The following WDR73 variants were observed in gnomAD, a reference collection of about 807,000 sequenced individuals.
The protein encoded by WDR73 is integrator complex assembly factor WDR73.
Under a neutral mutation model 38.2 loss-of-function variants are expected in WDR73, and 30 were observed. That is an observed-to-expected ratio of 0.79 (90% CI 0.59 to 1.06). The LOEUF is 1.06. WDR73 is among the 50% of genes least tolerant of loss of function. The pLI is 0.00. For synonymous variants in WDR73, 197 were observed against 176.0 expected, an observed-to-expected ratio of 1.12 and a Z score of -0.94; for missense variants, 487 against 467.0, an observed-to-expected ratio of 1.04 and a Z score of -0.40.
rs113818583 is a variant in WDR73, at chr15:84,648,736, C to T, written c.199-111G>A. ...CTGGCAGGAGGCCATGGAAGCCACTCAGCTGGTGAAAGGGCGTTGGTGTCC... is the reference window on the plus strand; with the variant it reads ...CTGGCAGGAGGCCATGGAAGCCACTTAGCTGGTGAAAGGGCGTTGGTGTCC... On this transcript the variant is annotated intron_variant, in intron 3 of 7. Coordinates refer to ENST00000434634, the MANE Select transcript of WDR73 (RefSeq NM_032856.5). 951 of 824,482 alleles carry T rather than the reference C, an allele frequency of 1.2e-3. 7 individuals are homozygous for T. In the African/African-American group the frequency reaches 0.014, roughly 12 times the overall value. 51.1% of individuals were successfully genotyped at this position (824,482 alleles called of 1,614,324 possible). A position where few individuals can be genotyped will look rare whatever the true frequency, so the allele number is the denominator to read the frequency against.
chr15:84,653,273 T>C, intron 2 of WDR73: 1 of 235,086 alleles, frequency 4.3e-6, no homozygotes, highest in Admixed American at 5.2e-5. Context: ...GTTCAAGTGA[T>C]TCTCCTGCCT....
At chr15:84,646,094 G>A (rs1398990205) in intron 6 of WDR73, 90 bp downstream of exon 6, 2 of 1,588,430 alleles carry the variant, frequency 1.3e-6, no homozygotes, top group Non-Finnish European at 1.7e-6. Context: ...ACCTGGCACA[G>A]AGAGTTGAAC....
In WDR73 at chr15:84,645,706, G is replaced by T. The variant is rs750401620; in HGVS notation, c.648C>A (p.Ser216Arg). 6.2e-7 allele frequency: 1 copy of T among 1,609,738 alleles called. No homozygotes were observed. Among genetic ancestry groups the T allele is most frequent in the Non-Finnish European group, 8.5e-7 (1 of 1,178,092 alleles). ...RQKWAPLENR[S>R]PGPGSGGERW... The stretch of plus-strand genomic sequence containing the variant: ...TCTCTCCACCAGACCCAGGGCCAGG[G>T]CTGCGATTCTCCAACGGTGCCCACT... The change falls in exon 7 of 8, where the codon AGC becomes AGA. Residue 216 changes from serine (S) to arginine (R), a missense_variant. Transcript: ENST00000434634.
At chr15:84,648,996 C>G (rs141323112) in intron 3 of WDR73, among the ~76,000 whole-genome samples, 1 of 152,180 alleles carries the variant, frequency 6.6e-6, no homozygotes, top group African/African-American at 2.4e-5. Context: ...GTTCCTCTAA[C>G]GATAAAAATT....
chr15:84,654,184 C>G, intron 1 of WDR73, 50 bp downstream of exon 1: 1 of 1,613,490 alleles, frequency 6.2e-7, no homozygotes, highest in African/African-American at 1.3e-5. Context: ...CATCCGCCCG[C>G]CAGGCAAGCT....
intron 7 of WDR73, 40 bp from the exon 8 acceptor site, chr15:84,643,763 A>T: frequency 6.5e-7 from 1 of 1,536,748 alleles, no homozygotes; most frequent in Non-Finnish European, 8.7e-7. Context: ...ATGAGTCCCT[A>T]ATTTTATTTT....
chr15:84,645,239 G>A (rs1430555258), intron 7 of WDR73: 5 of 1,419,742 alleles, frequency 3.5e-6, no homozygotes, highest in Non-Finnish European at 4.6e-6. Flanking sequence ...ACCAACCTGA[G>A]ACCTGAATTC....
At chr15:84,654,200 C>A (rs528316856) in intron 1 of WDR73, 34 bp downstream of exon 1, 2 of 1,613,848 alleles carry the variant, frequency 1.2e-6, no homozygotes, top group East Asian at 4.5e-5. Flanking sequence ...AAGCTCCAGG[C>A]CCAGCTCCCA....
At chr15:84,651,349 C>T (rs1253959709) in intron 3 of WDR73, among the ~76,000 whole-genome samples, 1 of 151,988 alleles carries the variant, frequency 6.6e-6, no homozygotes, top group Non-Finnish European at 1.5e-5. Context: ...TCACTTGAGC[C>T]TGGGAGGTTT....
intron 3 of WDR73, 26 bp downstream of exon 3, chr15:84,652,688 T>A (rs1427829828): frequency 7.8e-7 from 1 of 1,278,054 alleles, no homozygotes; most frequent in South Asian, 1.4e-5. Context: ...AAAGTTGACA[T>A]ACTCAGCATT....
intron 3 of WDR73, among the ~76,000 whole-genome samples, chr15:84,650,882 AC>A (rs1235844557): frequency 6.6e-6 from 1 of 152,188 alleles, no homozygotes; most frequent in South Asian, 2.1e-4. Flanking sequence ...GAATCCCAGC[AC>A]TTTGGGAGGC....
chr15:84,646,664 A>C (rs1335164067), intron 5 of WDR73: 1 of 253,074 alleles, frequency 4.0e-6, no homozygotes, highest in East Asian at 8.7e-5. Flanking sequence ...AAGAAAAGGA[A>C]TGAACATGCT....
At chr15:84,649,774 T>G (rs1282972125) in intron 3 of WDR73, among the ~76,000 whole-genome samples, 1 of 152,110 alleles carries the variant, frequency 6.6e-6, no homozygotes, top group Admixed American at 6.6e-5. Context: ...CTGGTCTTTT[T>G]TAACTTTTTA....
rs1331886575 is a variant in WDR73 at position 84,646,284 on chromosome 15, C to T, written c.417G>A (p.Val139=). Residue 139 remains valine (V), a synonymous_variant, in exon 6 of 8, where the codon GTG becomes GTA. Coordinates refer to ENST00000434634, the MANE Select transcript of WDR73 (RefSeq NM_032856.5). The part of the protein sequence containing the change: ...HEKEESLWPR[V]AVFSTLAPGV... ...CGGGTGCCAATGTGGAGAAGACGGCCACCCTAGGCCAGAGACTCTCCTCTT... is the reference window on the plus strand; with the variant it reads ...CGGGTGCCAATGTGGAGAAGACGGCTACCCTAGGCCAGAGACTCTCCTCTT... The T allele has an allele frequency of 1.9e-6, 3 of 1,613,968 alleles. No individual in the cohort carries two copies. The highest frequency in any genetic ancestry group is 2.5e-6 in the Non-Finnish European group (3 of 1,179,898).
rs773225496 is a variant in WDR73 at position 84,647,962 on chromosome 15, G to A, written c.288-8C>T. On this transcript the variant is annotated splice_region_variant and splice_polypyrimidine_tract_variant and intron_variant, in intron 4 of 7. Coordinates refer to ENST00000434634, the MANE Select transcript of WDR73 (RefSeq NM_032856.5). ...CCACTGGTAACCAGCAATCTATTCA[G>A]AAAAGACAAAATCAGTCCAGACCAT... 1.2e-6 allele frequency: 2 copies of A among 1,613,942 alleles called. No individual in the cohort carries two copies. Among genetic ancestry groups the A allele is most frequent in the Non-Finnish European group, 1.7e-6 (2 of 1,179,846 alleles).
rs1896245486 is a variant in WDR73, at chr15:84,641,153, A to G, written c.*2317T>C. The G allele has an allele frequency of 4.0e-5, 6 of 151,228 alleles. No homozygotes were observed. The allele number at this position is 151,228 out of a possible 1,614,324, so 9.4% of individuals were successfully genotyped here. ...TGTCCCCTCCTGCTTTTCTCTGAGC[A>G]GGACTTCCAGTTCCCCAGCCAGATG... On this transcript the variant is annotated 3_prime_UTR_variant, in exon 8 of 8. Transcript: ENST00000434634.
Position 84,646,360 on chromosome 15 carries a change from C to T in WDR73, c.353-12G>A, listed in dbSNP as rs544212466. 5 of 1,599,172 alleles carry T rather than the reference C, an allele frequency of 3.1e-6. No homozygotes were observed. The highest frequency in any genetic ancestry group is 1.3e-5 in the African/African-American group (1 of 74,466). ...AGCTTTAATGACATCTAGGGGAAAA[C>T]GAAGAGGCCAAAATCCAGAACTTTA... On this transcript the variant is annotated splice_polypyrimidine_tract_variant and intron_variant, in intron 5 of 7. Coordinates refer to ENST00000434634, the MANE Select transcript of WDR73 (RefSeq NM_032856.5).
chr15:84,645,230 C>G (rs1896408610), intron 7 of WDR73: 1 of 1,400,330 alleles, frequency 7.1e-7, no homozygotes, highest in South Asian at 1.4e-5. Context: ...GGCCCCTCCA[C>G]CAACCTGAGA....
At chr15:84,649,322 A>T (rs1896553797) in intron 3 of WDR73, among the ~76,000 whole-genome samples, 1 of 152,144 alleles carries the variant, frequency 6.6e-6, no homozygotes, top group Non-Finnish European at 1.5e-5. Flanking sequence ...GTGAGCGGGG[A>T]GGTTAAATCA....
Sources: allele counts gnomAD v4.1 joint callset (sites outside exome capture counted in the v4.1 genomes callset), GRCh38; gene constraint gnomAD v4.1.1; transcripts MANE v1.5; gene names NCBI Gene and HGNC (gene_info 2026-07-23, HGNC 2026-07-21).